Variants in SPATS2L observed in about 807,000 individuals in gnomAD.
SPATS2L encodes the protein spermatogenesis associated serine rich 2 like.
A neutral mutation model predicts 59.6 loss-of-function variants in SPATS2L; 30 were observed. The ratio of observed to expected loss-of-function variants is 0.50; its 90% confidence interval spans 0.38 to 0.68. The LOEUF (loss-of-function observed/expected upper bound fraction) is 0.68. Among genes scored for constraint, SPATS2L ranks in the 30% least tolerant of loss-of-function variants. SPATS2L has a pLI of 0.00. For missense variants in SPATS2L, 615 were observed against 700.0 expected (o/e 0.88, Z 1.37); for synonymous variants, 252 against 263.5 (o/e 0.96, Z 0.42).
At chr2:200,410,062 A>G (rs1363883386) in intron 3 of SPATS2L, among the ~76,000 whole-genome samples, 1 of 152,018 alleles carries the variant, frequency 6.6e-6, no homozygotes, top group Non-Finnish European at 1.5e-5. Context: ...GTGTAGGTGG[A>G]TTGAAAACCT....
At chr2:200,319,227 T>A (rs1448788497) in intron 1 of SPATS2L, among the ~76,000 whole-genome samples, 1 of 152,212 alleles carries the variant, frequency 6.6e-6, no homozygotes, top group East Asian at 1.9e-4. Flanking sequence ...CTCATCCTGT[T>A]AACATTCCTC....
intron 8 of SPATS2L, among the ~76,000 whole-genome samples, chr2:200,449,096 C>T (rs1286869137): frequency 1.3e-5 from 2 of 152,218 alleles, no homozygotes; most frequent in Non-Finnish European, 2.9e-5. Flanking sequence ...AATCTTGCCT[C>T]ATTTGTGAAT....
chr2:200,369,862 GA>G (rs927680914), intron 2 of SPATS2L, among the ~76,000 whole-genome samples: 17 of 151,800 alleles, frequency 1.1e-4, no homozygotes, highest in East Asian at 7.7e-4. Context: ...GTTTCGTAAA[GA>G]AAAAAAATAA....
At chr2:200,341,271 T>A (rs2080315999) in intron 2 of SPATS2L, among the ~76,000 whole-genome samples, 1 of 152,160 alleles carries the variant, frequency 6.6e-6, no homozygotes, top group Non-Finnish European at 1.5e-5. Context: ...GATTTGAACC[T>A]AGGCAGTGTG....
At chr2:200,398,868 C>CA (rs147883278) in intron 3 of SPATS2L, among the ~76,000 whole-genome samples, 12,960 of 152,136 alleles carry the variant, frequency 0.085, 740 homozygotes, top group Middle Eastern at 0.13. Flanking sequence ...CTCAGTATGT[C>CA]AGTTTCTTAT....
At chr2:200,425,121 TCCCCCCG>T (rs1363409235) in intron 6 of SPATS2L, among the ~76,000 whole-genome samples, 1 of 16,030 alleles carries the variant, frequency 6.2e-5, no homozygotes, top group African/African-American at 2.6e-4. Flanking sequence ...GAATGTTAGT[TCCCCCCG>T]CCCCCCCCCC....
chr2:200,311,517 TTA>T (rs1168384688), intron 1 of SPATS2L, among the ~76,000 whole-genome samples: 2 of 152,164 alleles, frequency 1.3e-5, no homozygotes, highest in African/African-American at 4.8e-5. Flanking sequence ...AAGTTATCAG[TTA>T]TATAAAAGTT....
Position 200,380,150 on chromosome 2 carries a change from C to G in SPATS2L, c.-22-9073C>G, listed in dbSNP as rs75057545. Among the ~76,000 whole-genome samples, 5 of 152,214 alleles carry G rather than the reference C, an allele frequency of 3.3e-5. No individual in the cohort carries two copies. In the East Asian group the frequency reaches 9.6e-4, roughly 29 times the overall value. The stretch of plus-strand genomic sequence containing the variant: ...AAGCCTGCCGTGCGTCCTCCTCCCC[C>G]TGTGCTTGCACTGCCTCAGATCCGC... On this transcript the variant is annotated intron_variant, in intron 2 of 12. Coordinates refer to ENST00000409140, the MANE Select transcript of SPATS2L (RefSeq NM_001100423.2).
At position 200,468,528 on chromosome 2, in the gene SPATS2L, T is replaced by C. The variant is rs1338930763; in HGVS notation, c.957+1129T>C. Among the ~76,000 whole-genome samples, 18 of 152,300 alleles carry C rather than the reference T, an allele frequency of 1.2e-4. No homozygotes were observed. The South Asian group carries it at 2.9e-3, about 25-fold the overall frequency. On this transcript the variant is annotated intron_variant, in intron 10 of 12. Transcript: ENST00000409140. ...AGTGACTTTTCAACTCCCTCCCTCCTGGTTGGGCATGAAAGCGGGCCCCAT... is the reference window on the plus strand; with the variant it reads ...AGTGACTTTTCAACTCCCTCCCTCCCGGTTGGGCATGAAAGCGGGCCCCAT...
intron 6 of SPATS2L, among the ~76,000 whole-genome samples, chr2:200,435,637 A>G (rs571058970): frequency 1.3e-5 from 2 of 152,288 alleles, no homozygotes; most frequent in South Asian, 2.1e-4. Context: ...CAAGACATAC[A>G]TCACCCTGTC....
chr2:200,471,999 T>A (rs1482771924), intron 11 of SPATS2L, among the ~76,000 whole-genome samples: 1 of 152,180 alleles, frequency 6.6e-6, no homozygotes, highest in Non-Finnish European at 1.5e-5. Context: ...TCTGATTCAG[T>A]GTAATCACAT....
At chr2:200,373,772 A>G (rs2081509435) in intron 2 of SPATS2L, among the ~76,000 whole-genome samples, 1 of 152,212 alleles carries the variant, frequency 6.6e-6, no homozygotes, top group Admixed American at 6.5e-5. Flanking sequence ...ATTAAAGCAT[A>G]TATTTTTACA....
chr2:200,307,139 TC>T (rs1466240764), intron 1 of SPATS2L, among the ~76,000 whole-genome samples: 1 of 150,594 alleles, frequency 6.6e-6, no homozygotes, highest in Non-Finnish European at 1.5e-5. Flanking sequence ...TCGCCGTCCT[TC>T]CTTTCTCCAG....
At chr2:200,453,402 T>G (rs576539038) in intron 8 of SPATS2L, among the ~76,000 whole-genome samples, 3 of 152,154 alleles carry the variant, frequency 2.0e-5, no homozygotes, top group Non-Finnish European at 4.4e-5. Flanking sequence ...ACAAAGAAAT[T>G]GAGAAATTGC....
At chr2:200,351,713 T>C (rs1338408405) in intron 2 of SPATS2L, among the ~76,000 whole-genome samples, 1 of 88,924 alleles carries the variant, frequency 1.1e-5, no homozygotes, top group Non-Finnish European at 3.4e-5. Context: ...TAGATTGAGA[T>C]TTTTTTTTGA....
chr2:200,333,513 T>A (rs2080029672), intron 2 of SPATS2L, among the ~76,000 whole-genome samples: 2 of 151,994 alleles, frequency 1.3e-5, no homozygotes, highest in Admixed American at 1.3e-4. Context: ...ATTTTATTTT[T>A]TATTTTACTT....
intron 2 of SPATS2L, among the ~76,000 whole-genome samples, chr2:200,374,985 G>A (rs952959187): frequency 6.6e-6 from 1 of 152,212 alleles, no homozygotes; most frequent in African/African-American, 2.4e-5. Flanking sequence ...GCTAATGCTT[G>A]TACACCATTG....
rs377444610 is a variant in SPATS2L at position 200,456,465 on chromosome 2, G to T, written c.789-3304G>T. Among the ~76,000 whole-genome samples the T allele has an allele frequency of 1.3e-4, 20 of 152,284 alleles. 1 individual carries two copies. The East Asian group carries it at 3.3e-3, about 25-fold the overall frequency. On this transcript the variant is annotated intron_variant, in intron 8 of 12. Coordinates refer to ENST00000409140, the MANE Select transcript of SPATS2L (RefSeq NM_001100423.2). ...TTCCCTCCTGTTGCTAGCCCAGAAGGTCTGAACTAACCATTGTATATAAAT... is the reference window on the plus strand; with the variant it reads ...TTCCCTCCTGTTGCTAGCCCAGAAGTTCTGAACTAACCATTGTATATAAAT...
chr2:200,473,172 C>A, intron 12 of SPATS2L, 120 bp downstream of exon 12: 1 of 942,722 alleles, frequency 1.1e-6, no homozygotes, highest in Non-Finnish European at 1.6e-6. Flanking sequence ...CTCCCGCCAC[C>A]TGCCCTCACC....
Sources: gnomAD v4.1 joint callset for allele counts (sites outside exome capture counted in the v4.1 genomes callset) on GRCh38, gnomAD v4.1.1 for gene constraint, MANE v1.5 for transcripts, NCBI Gene and HGNC (gene_info 2026-07-23, HGNC 2026-07-21) for gene names.